The following FGGY variants were observed in gnomAD, a reference collection of about 807,000 sequenced individuals.
FGGY encodes FGGY carbohydrate kinase domain-containing protein.
A neutral mutation model predicts 71.3 loss-of-function variants in FGGY; 72 were observed. That is an observed-to-expected ratio of 1.01 (90% CI 0.84 to 1.23). The LOEUF (loss-of-function observed/expected upper bound fraction) is 1.23. Ranked by LOEUF, FGGY falls within the 50% of genes most tolerant of loss-of-function variation. The pLI is 0.00. For synonymous variants in FGGY, 251 were observed against 250.3 expected, an observed-to-expected ratio of 1.00 and a Z score of -0.02; for missense variants, 668 against 682.3, an observed-to-expected ratio of 0.98 and a Z score of 0.23.
chr1:59,412,208 T>C (rs1015142858), intron 5 of FGGY, among the ~76,000 whole-genome samples: 23 of 152,322 alleles, frequency 1.5e-4, no homozygotes, highest in African/African-American at 4.8e-4. Context: ...TGCTTTTCCA[T>C]AGGGCACCCC....
intron 8 of FGGY, among the ~76,000 whole-genome samples, chr1:59,583,639 A>G (rs2096233040): frequency 7.0e-6 from 1 of 142,216 alleles, no homozygotes; most frequent in South Asian, 2.7e-4. Flanking sequence ...GCATTTCCTC[A>G]ATGGGAGAGC....
intron 14 of FGGY, among the ~76,000 whole-genome samples, chr1:59,690,408 A>G (rs2097579324): frequency 3.3e-5 from 5 of 152,190 alleles, no homozygotes; most frequent in Admixed American, 3.3e-4. Context: ...TAGCTGGTAA[A>G]AGGTGAAGCT....
chr1:59,346,507 C>T, intron 4 of FGGY, 109 bp downstream of exon 4: 4 of 1,261,556 alleles, frequency 3.2e-6, no homozygotes, highest in East Asian at 2.5e-5. Context: ...TTTGATTTTT[C>T]CCAGCAACTA....
chr1:59,331,908 G>A (rs566508390), intron 2 of FGGY: 3 of 152,390 alleles, frequency 2.0e-5, no homozygotes, highest in African/African-American at 7.2e-5. Flanking sequence ...AGCTGACAAA[G>A]GCATTCAAAT....
intron 3 of FGGY, among the ~76,000 whole-genome samples, chr1:59,343,092 G>T (rs900242813): frequency 6.6e-6 from 1 of 152,210 alleles, no homozygotes; most frequent in Admixed American, 6.5e-5. Context: ...GATAATTGGG[G>T]CTGGGAGAGG....
At chr1:59,529,237 C>A (rs990290480) in intron 7 of FGGY, among the ~76,000 whole-genome samples, 5 of 152,198 alleles carry the variant, frequency 3.3e-5, no homozygotes, top group African/African-American at 1.2e-4. Context: ...AGGGAAGAAT[C>A]ACTTTCAGTT....
At chr1:59,584,076 A>G (rs950560089) in intron 8 of FGGY, among the ~76,000 whole-genome samples, 3 of 149,784 alleles carry the variant, frequency 2.0e-5, no homozygotes, top group South Asian at 2.1e-4. Context: ...GCCGAATTCT[A>G]CCAGAGGTAC....
chr1:59,356,569 A>G (rs77254863), intron 4 of FGGY, among the ~76,000 whole-genome samples: 6,465 of 152,246 alleles, frequency 0.042, 286 homozygotes, highest in African/African-American at 0.11. Context: ...CTCCAGAGCA[A>G]TGTTTAAATT....
chr1:59,744,719 T>G (rs757062043), intron 14 of FGGY, among the ~76,000 whole-genome samples: 1 of 152,366 alleles, frequency 6.6e-6, no homozygotes, highest in Middle Eastern at 3.4e-3. Context: ...CATTCATTAA[T>G]TCATTAATCC....
chr1:59,411,266 T>C (rs1419428940), intron 5 of FGGY, among the ~76,000 whole-genome samples: 2 of 152,254 alleles, frequency 1.3e-5, no homozygotes, highest in South Asian at 2.1e-4. Flanking sequence ...CAATATTAAA[T>C]TCAAATTATG....
At chr1:59,610,806 T>C (rs975015346) in intron 9 of FGGY, among the ~76,000 whole-genome samples, 1 of 152,206 alleles carries the variant, frequency 6.6e-6, no homozygotes, top group Non-Finnish European at 1.5e-5. Context: ...ATTGGGTCAC[T>C]CCCACACGGC....
At chr1:59,647,438 A>C (rs2097106162) in intron 11 of FGGY, among the ~76,000 whole-genome samples, 1 of 152,196 alleles carries the variant, frequency 6.6e-6, no homozygotes, top group Non-Finnish European at 1.5e-5. Flanking sequence ...TTTGCTTGCT[A>C]TAATAAATTA....
chr1:59,435,449 C>T (rs1477571991), intron 5 of FGGY, among the ~76,000 whole-genome samples: 1 of 152,116 alleles, frequency 6.6e-6, no homozygotes, highest in Non-Finnish European at 1.5e-5. Flanking sequence ...CAGTGACATC[C>T]CCATGCCACA....
chr1:59,652,342 G>A lies in FGGY; in HGVS notation c.1222-7877G>A, dbSNP rs1221560697. Among the ~76,000 whole-genome samples the A allele has an allele frequency of 2.7e-5, 4 of 150,156 alleles. No homozygotes were observed. In the South Asian group the frequency reaches 6.5e-4, roughly 24 times the overall value. ...AAGTTCTCCTGGATAATATCCTGCA[G>A]AGTGTTTTGCAACTTGGTTCCATTC... is the stretch of plus-strand genomic sequence containing the variant. On this transcript the variant is annotated intron_variant, in intron 11 of 15. Transcript: ENST00000303721.
intron 14 of FGGY, chr1:59,699,004 T>A: frequency 1.0e-6 from 1 of 985,392 alleles, no homozygotes; most frequent in Non-Finnish European, 1.2e-6. Context: ...ATATGTTTAA[T>A]AAGATTATAG....
At chr1:59,674,291 A>C (rs1199592564) in intron 14 of FGGY, among the ~76,000 whole-genome samples, 158 bp downstream of exon 14, 1 of 152,074 alleles carries the variant, frequency 6.6e-6, no homozygotes, top group East Asian at 1.9e-4. Flanking sequence ...CCTCAGACAT[A>C]TTTATTGCAG....
At chr1:59,383,095 A>C (rs749957095) in intron 5 of FGGY, among the ~76,000 whole-genome samples, 1 of 152,194 alleles carries the variant, frequency 6.6e-6, no homozygotes, top group East Asian at 1.9e-4. Flanking sequence ...TGTCTATAGC[A>C]TGGAGATTGT....
chr1:59,694,213 C>T (rs1038803878), intron 14 of FGGY, among the ~76,000 whole-genome samples: 2 of 148,186 alleles, frequency 1.3e-5, no homozygotes, highest in African/African-American at 5.0e-5. Flanking sequence ...GGCGTGAACC[C>T]GGGAGGAGGA....
At chr1:59,324,344 T>C (rs946840455) in intron 2 of FGGY, among the ~76,000 whole-genome samples, 3 of 135,120 alleles carry the variant, frequency 2.2e-5, no homozygotes, top group Non-Finnish European at 4.7e-5. Context: ...TGGCGGGATC[T>C]CGGCTCACTG....
Sources: gnomAD v4.1 joint callset for allele counts (sites outside exome capture counted in the v4.1 genomes callset) on GRCh38, gnomAD v4.1.1 for gene constraint, MANE v1.5 for transcripts, NCBI Gene and HGNC (gene_info 2026-07-23, HGNC 2026-07-21) for gene names.